NIPAL2: variants seen among roughly 807,000 people sequenced by gnomAD.
NIPAL2 encodes NIPA-like protein 2.
A neutral mutation model predicts 48.9 loss-of-function variants in NIPAL2; 43 were observed. The observed-to-expected ratio is 0.88, with a 90% CI of 0.69 to 1.13. The LOEUF (loss-of-function observed/expected upper bound fraction) is 1.13, where lower values mean the gene tolerates loss of function less well. Among genes scored for constraint, NIPAL2 ranks in the 50% most tolerant of loss-of-function variants. The probability of loss-of-function intolerance (pLI) is 0.00; values close to 1 mark genes in which losing one functional copy is unlikely to be tolerated. For synonymous variants in NIPAL2, 167 were observed against 174.6 expected, an observed-to-expected ratio of 0.96 and a Z score of 0.34; for missense variants, 446 against 461.4, an observed-to-expected ratio of 0.97 and a Z score of 0.31.
chr8:98,245,527 C>T (rs1813266368), intron 3 of NIPAL2, among the ~76,000 whole-genome samples: 1 of 152,168 alleles, frequency 6.6e-6, no homozygotes, highest in South Asian at 2.1e-4. Context: ...AGACAATTTG[C>T]ATAATTTCAA....
intron 6 of NIPAL2, among the ~76,000 whole-genome samples, chr8:98,206,696 G>A (rs1313636115): frequency 6.6e-6 from 1 of 151,216 alleles, no homozygotes; most frequent in Non-Finnish European, 1.5e-5. Context: ...GCTGAGGCAG[G>A]AGAATGGCGT....
chr8:98,227,775 G>A (rs779728434), intron 4 of NIPAL2, among the ~76,000 whole-genome samples: 8 of 152,182 alleles, frequency 5.3e-5, no homozygotes, highest in Admixed American at 1.3e-4. Flanking sequence ...TCACTGGATC[G>A]CATGCCCCTC....
At chr8:98,236,312 A>G (rs1341558254) in intron 3 of NIPAL2, 98 bp from the exon 4 acceptor site, 13 of 766,446 alleles carry the variant, frequency 1.7e-5, no homozygotes, top group Non-Finnish European at 2.9e-5. Flanking sequence ...CTTATGCCTG[A>G]TGAGCTATGT....
intron 1 of NIPAL2, among the ~76,000 whole-genome samples, chr8:98,271,747 G>T (rs975226470): frequency 6.6e-6 from 1 of 152,044 alleles, no homozygotes; most frequent in African/African-American, 2.4e-5. Flanking sequence ...GGTTAGAGTG[G>T]GCATTTCTGT....
intron 5 of NIPAL2, among the ~76,000 whole-genome samples, chr8:98,214,746 C>A (rs914338132): frequency 1.3e-5 from 2 of 152,228 alleles, no homozygotes; most frequent in South Asian, 2.1e-4. Flanking sequence ...CATTTAAAAA[C>A]CTTTTCATCT....
chr8:98,291,211 T>C (rs1458075610), intron 1 of NIPAL2, among the ~76,000 whole-genome samples: 1 of 152,168 alleles, frequency 6.6e-6, no homozygotes, highest in Non-Finnish European at 1.5e-5. Context: ...CAAACCATAT[T>C]TCTACCTTAT....
At chr8:98,205,085 T>A (rs750497525) in intron 7 of NIPAL2, 26 bp downstream of exon 7, 3 of 1,609,660 alleles carry the variant, frequency 1.9e-6, no homozygotes, top group Non-Finnish European at 1.7e-6. Flanking sequence ...GTTGAAAGAT[T>A]AGTGAGTATG....
intron 6 of NIPAL2, among the ~76,000 whole-genome samples, chr8:98,209,341 G>A (rs936153119): frequency 4.7e-5 from 7 of 150,076 alleles, no homozygotes; most frequent in Non-Finnish European, 1.0e-4. Flanking sequence ...AGGTGTGGTG[G>A]CCCATGCCTG....
intron 3 of NIPAL2, among the ~76,000 whole-genome samples, chr8:98,246,006 G>C (rs142833122): frequency 6.6e-6 from 1 of 152,162 alleles, no homozygotes. Flanking sequence ...TTAGAGTTCC[G>C]GTGACCTCAT....
rs1563531576 is a variant in NIPAL2 at position 98,259,069 on chromosome 8, C to CTTTTTTT, written c.136-4983_136-4982insAAAAAAA. On this transcript the variant is annotated intron_variant, in intron 1 of 10. Coordinates refer to ENST00000430223, the MANE Select transcript of NIPAL2 (RefSeq NM_001321635.2). ...TTATGCTGCTGTTCCTTTAAATATT[C>CTTTTTTT]CTTTTTTTTTTTTTTTTTTTTTTTT... Among the ~76,000 whole-genome samples the CTTTTTTT allele has an allele frequency of 2.9e-3, 263 of 89,300 alleles. 9 individuals carry two copies. Among genetic ancestry groups the CTTTTTTT allele is most frequent in the South Asian group, 3.8e-3 (10 of 2,616 alleles). 58.6% of individuals were successfully genotyped at this position (89,300 alleles called of 152,430 possible). A position where few individuals can be genotyped will look rare whatever the true frequency, so the allele number is the denominator to read the frequency against.
intron 4 of NIPAL2, among the ~76,000 whole-genome samples, chr8:98,232,222 A>G (rs1026844279): frequency 3.3e-5 from 5 of 152,214 alleles, no homozygotes; most frequent in Non-Finnish European, 1.5e-5. Context: ...AGAATAGGTG[A>G]CTAAATCCTT....
In NIPAL2 at chr8:98,206,803, A is replaced by T. The variant is rs973329212; in HGVS notation, c.656-1557T>A. On this transcript the variant is annotated intron_variant, in intron 6 of 10. Coordinates refer to ENST00000430223, the MANE Select transcript of NIPAL2 (RefSeq NM_001321635.2). The stretch of plus-strand genomic sequence containing the variant: ...AAAAAAAAAAAAAAAGGAAAAAAAA[A>T]TCATAATTGACAGAGGAGATCAGGT... Among the ~76,000 whole-genome samples the T allele has an allele frequency of 4.0e-5, 6 of 151,896 alleles. No individual in the cohort carries two copies. In the East Asian group the frequency reaches 9.7e-4, roughly 24 times the overall value.
intron 6 of NIPAL2, among the ~76,000 whole-genome samples, chr8:98,211,494 A>G (rs1811313166): frequency 6.6e-6 from 1 of 152,210 alleles, no homozygotes; most frequent in Non-Finnish European, 1.5e-5. Context: ...GGAGAGAACT[A>G]GTTGATGAGA....
chr8:98,254,452 G>C (rs973780464), intron 1 of NIPAL2, among the ~76,000 whole-genome samples: 5 of 152,124 alleles, frequency 3.3e-5, no homozygotes, highest in African/African-American at 1.2e-4. Context: ...TGATATGAAA[G>C]AAAGATCATC....
chr8:98,237,621 G>A (rs1441165586), intron 3 of NIPAL2, among the ~76,000 whole-genome samples: 1 of 152,162 alleles, frequency 6.6e-6, no homozygotes, highest in Non-Finnish European at 1.5e-5. Context: ...CTATGATTTT[G>A]CTTCTGATGC....
In NIPAL2 at chr8:98,194,813, C is replaced by T. The variant is rs766970350; in HGVS notation, c.954G>A (p.Leu318=). Reference sequence around the variant, plus strand: ...TGACCAAAAATACACCAAGGAATGACAGAAAACACCTGTAAGGATAATATT... The same window carrying T: ...TGACCAAAAATACACCAAGGAATGATAGAAAACACCTGTAAGGATAATATT... ...TVFIYLFGCF[L]SFLGVFLVTR... The change falls in exon 10 of 11, where the codon CTG becomes CTA. Residue 318 remains leucine, a synonymous_variant. Transcript: ENST00000430223. The T allele has an allele frequency of 8.4e-6, 13 of 1,553,668 alleles. No individual in the cohort carries two copies. The highest frequency in any genetic ancestry group is 1.1e-5 in the Non-Finnish European group (13 of 1,152,600).
intron 4 of NIPAL2, among the ~76,000 whole-genome samples, chr8:98,232,443 T>G (rs765328725): frequency 3.9e-5 from 6 of 152,182 alleles, no homozygotes; most frequent in Non-Finnish European, 7.4e-5. Flanking sequence ...TTTCCTCTGA[T>G]TAATTAGTAG....
At chr8:98,206,308 G>T (rs529554135) in intron 6 of NIPAL2, among the ~76,000 whole-genome samples, 2 of 146,984 alleles carry the variant, frequency 1.4e-5, no homozygotes, top group South Asian at 4.2e-4. Context: ...TTATGTATGT[G>T]TGTGTGTGTA....
chr8:98,209,246 A>T (rs572674804), intron 6 of NIPAL2, among the ~76,000 whole-genome samples: 3 of 152,130 alleles, frequency 2.0e-5, no homozygotes, highest in Non-Finnish European at 1.5e-5. Flanking sequence ...TCATAACAGC[A>T]TATAAACATA....
Sources: gnomAD v4.1 joint callset for allele counts (sites outside exome capture counted in the v4.1 genomes callset) on GRCh38, gnomAD v4.1.1 for gene constraint, MANE v1.5 for transcripts, NCBI Gene and HGNC (gene_info 2026-07-23, HGNC 2026-07-21) for gene names.